Variants in BNIP3L observed in about 807,000 individuals in gnomAD.
BNIP3L encodes BCL2 interacting protein 3 like.
BNIP3L carries 10 observed loss-of-function variants against 25.5 expected under a neutral mutation model. The ratio of observed to expected loss-of-function variants is 0.39; its 90% CI spans 0.24 to 0.67. The LOEUF is 0.67. Ranked by LOEUF, BNIP3L falls within the 30% of genes least tolerant of loss-of-function variation. The pLI, the probability that BNIP3L is intolerant of heterozygous loss-of-function variation, is 0.45. For synonymous variants in BNIP3L, 113 were observed against 101.2 expected (o/e 1.12, Z -0.70); for missense variants, 215 against 270.9 (o/e 0.79, Z 1.45).
At chr8:26,389,569 G>A (rs1806060615) in intron 1 of BNIP3L, among the ~76,000 whole-genome samples, 1 of 152,190 alleles carries the variant, frequency 6.6e-6, no homozygotes, top group Non-Finnish European at 1.5e-5. Flanking sequence ...CTATGGGATG[G>A]TGGTAGCCAC....
Position 26,383,055 on chromosome 8 carries a change from G to A in BNIP3L, c.-76G>A, listed in dbSNP as rs984833528. 1.1e-5 allele frequency: 15 copies of A among 1,389,676 alleles called. No homozygotes were observed. Among genetic ancestry groups the A allele is most frequent in the African/African-American group, 2.9e-5 (2 of 69,728 alleles). 86.1% of individuals were successfully genotyped at this position (1,389,676 alleles called of 1,614,324 possible). On this transcript the variant is annotated 5_prime_UTR_variant, in exon 1 of 6. Coordinates refer to ENST00000380629, the MANE Select transcript of BNIP3L (RefSeq NM_004331.3). ...CGCAGGCGCAGAAAAGGGGGCGGCG[G>A]ACTCGGCTTGTTGTGTTGCTGCCTG...
chr8:26,408,973 T>C (rs1404996004), intron 5 of BNIP3L, among the ~76,000 whole-genome samples: 1 of 152,140 alleles, frequency 6.6e-6, no homozygotes, highest in African/African-American at 2.4e-5. Flanking sequence ...GGTTTTGTTG[T>C]GTAATATTTA....
Position 26,413,103 on chromosome 8 carries a change from T to C in BNIP3L, c.*2691T>C, listed in dbSNP as rs1259213315. On this transcript the variant is annotated 3_prime_UTR_variant, in exon 6 of 6. Transcript: ENST00000380629. This position sits in a 1 kb window ranked among gnomAD's most constrained non-coding sequence, Gnocchi z 5.2. ...ATAACTTGTAGCTATAAACATTTTG[T>C]GCCATTAAAGCTCTCACAAAACTTT... The C allele has an allele frequency of 6.6e-6, 1 of 152,670 alleles. No individual in the cohort carries two copies. The highest frequency in any genetic ancestry group is 6.5e-5 in the Admixed American group (1 of 15,288). The allele number at this position is 152,670 out of a possible 1,614,324, so 9.5% of individuals were successfully genotyped here. A position where few individuals can be genotyped will look rare whatever the true frequency, so the allele number is the denominator to read the frequency against.
At chr8:26,390,965 T>G (rs1263781427) in intron 1 of BNIP3L, among the ~76,000 whole-genome samples, 1 of 152,202 alleles carries the variant, frequency 6.6e-6, no homozygotes, top group African/African-American at 2.4e-5. Flanking sequence ...AGTGTTATTA[T>G]AAACCAAGCT....
chr8:26,398,829 C>A (rs1165745385), intron 3 of BNIP3L, among the ~76,000 whole-genome samples: 4 of 152,092 alleles, frequency 2.6e-5, no homozygotes, highest in Non-Finnish European at 5.9e-5. Context: ...GAAATGGATA[C>A]ATTCCTCGAC....
chr8:26,407,074 C>T lies in BNIP3L; in HGVS notation c.358-926C>T, dbSNP rs372528579. ...GTGGCTGGATCTCGGCTCCACCTCC[C>T]AGGCTCAAGCAACCTCCACCTCCCA... On this transcript the variant is annotated intron_variant, in intron 3 of 5. Transcript: ENST00000380629. Among the ~76,000 whole-genome samples the T allele has an allele frequency of 1.7e-4, 26 of 151,696 alleles. No individual in the cohort carries two copies. The East Asian group carries it at 5.0e-3, about 29-fold the overall frequency.
In BNIP3L at chr8:26,409,939, G is replaced by GT. The variant is rs3840704; in HGVS notation, c.612-415dup. Among the ~76,000 whole-genome samples the GT allele has an allele frequency of 1.7e-4, 26 of 150,966 alleles. No individual in the cohort carries two copies. The East Asian group carries it at 2.1e-3, about 12-fold the overall frequency. On this transcript the variant is annotated intron_variant, in intron 5 of 5. Transcript: ENST00000380629. ...CTTTAAAGCACTGGCAGCTTTTAAGGTTTTTTTTTTCTTTTGTCCTACATA... is the reference window on the plus strand; with the variant it reads ...CTTTAAAGCACTGGCAGCTTTTAAGGTTTTTTTTTTTCTTTTGTCCTACATA...
chr8:26,409,625 T>G (rs1806576576), intron 5 of BNIP3L, among the ~76,000 whole-genome samples: 1 of 152,224 alleles, frequency 6.6e-6, no homozygotes, highest in African/African-American at 2.4e-5. Flanking sequence ...AATACATTGC[T>G]GCCTATACAG....
rs146536723 is a variant in BNIP3L, at chr8:26,406,840, A to C, written c.358-1160A>C. ...GAAAAAAAAAAAAAATGCATGTAAC[A>C]TGCTTGGAATAATATTTGCCCCTTT... On this transcript the variant is annotated intron_variant, in intron 3 of 5. Transcript: ENST00000380629. 6.2e-3 allele frequency among the ~76,000 whole-genome samples: 944 copies of C among 151,962 alleles called. 9 individuals carry two copies. The highest frequency in any genetic ancestry group is 0.021 in the African/African-American group (886 of 41,454).
rs1473906876 is a variant in BNIP3L, at chr8:26,412,025, T to A, written c.*1613T>A. 2.0e-5 allele frequency: 3 copies of A among 152,560 alleles called. No homozygotes were observed. The highest frequency in any genetic ancestry group is 2.9e-5 in the Non-Finnish European group (2 of 68,018). The allele number at this position is 152,560 out of a possible 1,614,324, so 9.5% of individuals were successfully genotyped here. On this transcript the variant is annotated 3_prime_UTR_variant, in exon 6 of 6. Transcript: ENST00000380629. Reference sequence around the variant, plus strand: ...AAAATAACATATAGATTAAACAAAATTTTTATCTTTTTTCAAGAATATAGC... The same window carrying A: ...AAAATAACATATAGATTAAACAAAAATTTTATCTTTTTTCAAGAATATAGC...
chr8:26,383,660 G>T (rs1240991774), intron 1 of BNIP3L, among the ~76,000 whole-genome samples: 1 of 150,142 alleles, frequency 6.7e-6, no homozygotes, highest in Non-Finnish European at 1.5e-5. Flanking sequence ...AGCGGGGCGG[G>T]GCGGGCGGCT....
At chr8:26,407,678 C>T (rs1417595604) in intron 3 of BNIP3L, among the ~76,000 whole-genome samples, 8 of 152,158 alleles carry the variant, frequency 5.3e-5, no homozygotes, top group African/African-American at 1.9e-4. Flanking sequence ...TAATGGACCT[C>T]CATGTAAGTA....
In BNIP3L at chr8:26,391,426, GGTAA is replaced by G; in HGVS notation, c.284+3_284+6del. The G allele has an allele frequency of 1.3e-6, 2 of 1,531,618 alleles. No homozygotes were observed. The highest frequency in any genetic ancestry group is 1.4e-5 in the African/African-American group (1 of 72,220). The allele number at this position is 1,531,618 out of a possible 1,614,324, so 94.9% of individuals were successfully genotyped here. On this transcript the variant is annotated splice_donor_variant and splice_donor_region_variant and intron_variant, in intron 2 of 5. Coordinates refer to ENST00000380629, the MANE Select transcript of BNIP3L (RefSeq NM_004331.3). LOFTEE classifies it high-confidence loss of function. ...TCCAGAGGCAGTTCTCACTGTGACA[GGTAA>G]GTGAGACCCATGTTTTGGTGGAATT...
At chr8:26,403,486 G>A (rs1806435747) in intron 3 of BNIP3L, among the ~76,000 whole-genome samples, 1 of 150,918 alleles carries the variant, frequency 6.6e-6, no homozygotes, top group Non-Finnish European at 1.5e-5. Flanking sequence ...AGATGAGGAA[G>A]TAAAGTCACT....
rs1052420190 is a variant in BNIP3L at position 26,411,824 on chromosome 8, A to G, written c.*1412A>G. Reference sequence around the variant, plus strand: ...TTTTATATATAAATAATTACTGTTTATGATATAGACATTGATATTGACTAT... The same window carrying G: ...TTTTATATATAAATAATTACTGTTTGTGATATAGACATTGATATTGACTAT... On this transcript the variant is annotated 3_prime_UTR_variant, in exon 6 of 6. Transcript: ENST00000380629. 3 of 152,720 alleles carry G rather than the reference A, an allele frequency of 2.0e-5. No individual in the cohort carries two copies. The highest frequency in any genetic ancestry group is 1.3e-4 in the Admixed American group (2 of 15,300). 9.5% of individuals were successfully genotyped at this position (152,720 alleles called of 1,614,324 possible). A position where few individuals can be genotyped will look rare whatever the true frequency, so the allele number is the denominator to read the frequency against.
In BNIP3L at chr8:26,405,311, T is replaced by TG. The variant is rs1424142544; in HGVS notation, c.358-2688dup. Among the ~76,000 whole-genome samples the TG allele has an allele frequency of 3.3e-5, 5 of 152,244 alleles. No individual in the cohort carries two copies. In the East Asian group the frequency reaches 9.6e-4, roughly 29 times the overall value. On this transcript the variant is annotated intron_variant, in intron 3 of 5. Coordinates refer to ENST00000380629, the MANE Select transcript of BNIP3L (RefSeq NM_004331.3). Reference sequence around the variant, plus strand: ...CAGATATTGTGTGTACAGGAACTGATGTGCAAGTAAATTGTAACAGTTTAT... The same window carrying TG: ...CAGATATTGTGTGTACAGGAACTGATGGTGCAAGTAAATTGTAACAGTTTAT...
intron 3 of BNIP3L, among the ~76,000 whole-genome samples, chr8:26,400,438 G>A (rs1434895597): frequency 1.9e-5 from 2 of 102,932 alleles, no homozygotes; most frequent in South Asian, 4.1e-4. Flanking sequence ...AGATTTAAAC[G>A]TTAGACCTAA....
rs912668116 is a variant in BNIP3L, at chr8:26,411,414, G to T, written c.*1002G>T. 9.9e-5 allele frequency: 15 copies of T among 152,152 alleles called. No individual in the cohort carries two copies. Among genetic ancestry groups the T allele is most frequent in the Non-Finnish European group, 1.9e-4 (13 of 68,030 alleles). The allele number at this position is 152,152 out of a possible 1,614,324, so 9.4% of individuals were successfully genotyped here. ...TACTCTGAAGCCTTTAAACTCTGAA[G>T]AGAATTGTTTCAGAGTTATTCCAAG... On this transcript the variant is annotated 3_prime_UTR_variant, in exon 6 of 6. Transcript: ENST00000380629.
chr8:26,388,288 T>C (rs1175837151), intron 1 of BNIP3L, among the ~76,000 whole-genome samples: 1 of 152,250 alleles, frequency 6.6e-6, no homozygotes, highest in Non-Finnish European at 1.5e-5. Flanking sequence ...TTTCTTATTG[T>C]TCTGCGTGCT....
Sources: allele counts gnomAD v4.1 joint callset (sites outside exome capture counted in the v4.1 genomes callset), GRCh38; gene constraint gnomAD v4.1.1; non-coding constraint Gnocchi (gnomAD v3.1); transcripts MANE v1.5; gene names NCBI Gene and HGNC (gene_info 2026-07-23, HGNC 2026-07-21).